Variants in RGS6 observed in about 807,000 individuals in gnomAD.
RGS6 encodes regulator of G-protein signaling 6.
A neutral mutation model predicts 78.5 loss-of-function variants in RGS6; 30 were observed. The observed-to-expected ratio is 0.38, with a 90% confidence interval of 0.29 to 0.52. The LOEUF (loss-of-function observed/expected upper bound fraction) is 0.52. Ranked by LOEUF, RGS6 falls within the 20% of genes least tolerant of loss-of-function variation. The probability of loss-of-function intolerance (pLI) is 0.85; values close to 1 mark genes in which losing one functional copy is unlikely to be tolerated. For missense variants in RGS6, 495 were observed against 609.7 expected (o/e 0.81, Z 1.98); for synonymous variants, 206 against 206.0 (o/e 1.00, Z 0.00).
chr14:72,003,103 C>T (rs1290788915), intron 2 of RGS6, among the ~76,000 whole-genome samples: 2 of 152,136 alleles, frequency 1.3e-5, no homozygotes, highest in Non-Finnish European at 2.9e-5. Flanking sequence ...GAGAATGAGA[C>T]AATGAGTGAA....
At chr14:71,885,636 G>C in the RGS6 span, among the ~76,000 whole-genome samples, 2 of 152,206 alleles carry the variant, frequency 1.3e-5, no homozygotes, top group East Asian at 3.9e-4. Context: ...GAGGAATAAA[G>C]ATTGAGGCTG....
chr14:72,042,252 C>T (rs778459346), intron 2 of RGS6, among the ~76,000 whole-genome samples: 5 of 151,766 alleles, frequency 3.3e-5, no homozygotes, highest in East Asian at 3.9e-4. Flanking sequence ...CTCAGCCTCC[C>T]GAGTAGTTGG....
rs534366125 is a variant in RGS6, at chr14:72,113,836, G to A, written c.84+148961G>A. 2.5e-4 allele frequency among the ~76,000 whole-genome samples: 38 copies of A among 152,320 alleles called. 1 individual carries two copies. In the South Asian group the frequency reaches 5.8e-3, roughly 23 times the overall value. On this transcript the variant is annotated intron_variant, in intron 2 of 17. Transcript: ENST00000553525. ...TGGCTGTGCCCAAAGTCAAGGGGTA[G>A]GGAAGAACATTGCTCATAATGAGGC...
upstream of RGS6, among the ~76,000 whole-genome samples, chr14:71,930,348 C>G (rs1166025017): frequency 1.3e-5 from 2 of 152,042 alleles, no homozygotes; most frequent in Non-Finnish European, 2.9e-5. Flanking sequence ...GCACATAAAC[C>G]AATCTCTTGG....
chr14:72,056,285 A>G (rs1387990879), intron 2 of RGS6, among the ~76,000 whole-genome samples: 1 of 152,192 alleles, frequency 6.6e-6, no homozygotes, highest in Non-Finnish European at 1.5e-5. Flanking sequence ...AGCCCTGCTC[A>G]TAGTATGCCT....
At chr14:72,395,726 C>A (rs559587830) in intron 3 of RGS6, among the ~76,000 whole-genome samples, 28 of 151,844 alleles carry the variant, frequency 1.8e-4, no homozygotes, top group Non-Finnish European at 2.9e-4. Context: ...TGTTCCCCGT[C>A]CTGTGTCCAT....
intron 12 of RGS6, among the ~76,000 whole-genome samples, chr14:72,488,204 GTAA>G (rs2096525078): frequency 6.6e-6 from 1 of 152,116 alleles, no homozygotes; most frequent in African/African-American, 2.4e-5. Flanking sequence ...TTAGTTGCTC[GTAA>G]TGACTTTGGC....
chr14:72,137,866 T>G (rs576192975), intron 2 of RGS6, among the ~76,000 whole-genome samples: 2 of 152,296 alleles, frequency 1.3e-5, no homozygotes, highest in South Asian at 4.1e-4. Context: ...ATTGTTTAAA[T>G]CATTTACATA....
intron 3 of RGS6, among the ~76,000 whole-genome samples, chr14:72,366,077 T>A (rs1217943301): frequency 6.6e-6 from 1 of 152,170 alleles, no homozygotes; most frequent in South Asian, 2.1e-4. Flanking sequence ...TTTTCACATC[T>A]TCTTCTATAA....
chr14:71,910,628 C>A, the RGS6 span, among the ~76,000 whole-genome samples: 1 of 152,080 alleles, frequency 6.6e-6, no homozygotes, highest in Non-Finnish European at 1.5e-5. Context: ...CGTTTTTCCC[C>A]CAGCAAGTGT....
Position 72,021,030 on chromosome 14 carries a change from T to C in RGS6, c.84+56155T>C, listed in dbSNP as rs537288213. 2.6e-5 allele frequency among the ~76,000 whole-genome samples: 4 copies of C among 152,362 alleles called. No individual in the cohort carries two copies. In the East Asian group the frequency reaches 7.7e-4, roughly 29 times the overall value. The stretch of plus-strand genomic sequence containing the variant: ...TTTGCTTCCAATTTCTTCCTCCTTG[T>C]GTCTTGCCAACTGGGACCAAGCATG... On this transcript the variant is annotated intron_variant, in intron 2 of 17. Coordinates refer to ENST00000553525, the MANE Select transcript of RGS6 (RefSeq NM_001204424.2).
At chr14:72,596,491 GA>G in the RGS6 span, among the ~76,000 whole-genome samples, 1 of 152,148 alleles carries the variant, frequency 6.6e-6, no homozygotes, top group Non-Finnish European at 1.5e-5. Context: ...GAACATTTTT[GA>G]GGGGCCATGA....
At chr14:72,358,109 G>C (rs1238608054) in intron 3 of RGS6, among the ~76,000 whole-genome samples, 1 of 152,158 alleles carries the variant, frequency 6.6e-6, no homozygotes, top group African/African-American at 2.4e-5. Context: ...TCTTCTGGGT[G>C]TGCAGAAGAC....
intron 2 of RGS6, among the ~76,000 whole-genome samples, chr14:72,121,162 T>C (rs529569842): frequency 6.6e-6 from 1 of 152,258 alleles, no homozygotes; most frequent in East Asian, 1.9e-4. Flanking sequence ...TCCTCTTCCC[T>C]GCTCAAACCC....
chr14:72,290,968 G>A (rs2063475988), intron 2 of RGS6, among the ~76,000 whole-genome samples: 1 of 152,100 alleles, frequency 6.6e-6, no homozygotes, highest in Non-Finnish European at 1.5e-5. Flanking sequence ...AAGAACAGGT[G>A]GAGTGAGTAT....
Position 72,483,389 on chromosome 14 carries a change from A to AT in RGS6, c.854+5068dup, listed in dbSNP as rs540669635. On this transcript the variant is annotated intron_variant, in intron 12 of 17. Coordinates refer to ENST00000553525, the MANE Select transcript of RGS6 (RefSeq NM_001204424.2). ...TGTGTCACAGCTGACTGCTGAATTG[A>AT]TTTTTTTTAGCATCATCTCACTTGC... is the stretch of plus-strand genomic sequence containing the variant. 2.3e-4 allele frequency among the ~76,000 whole-genome samples: 35 copies of AT among 152,040 alleles called. No individual in the cohort carries two copies. In the South Asian group the frequency reaches 6.7e-3, roughly 29 times the overall value.
chr14:72,367,857 T>A (rs1046153807), intron 3 of RGS6, among the ~76,000 whole-genome samples: 1 of 152,230 alleles, frequency 6.6e-6, no homozygotes, highest in Non-Finnish European at 1.5e-5. Flanking sequence ...TTTTCTCACC[T>A]GTTAATTGAT....
At position 72,363,227 on chromosome 14, in the gene RGS6, T is replaced by G. The variant is rs544470948; in HGVS notation, c.184+11033T>G. ...GGACTGCCGTCAGAGGTTTTAAATA[T>G]GAGGGAATTCACATCCATGAAGTGG... On this transcript the variant is annotated intron_variant, in intron 3 of 17. Transcript: ENST00000553525. Among the ~76,000 whole-genome samples the G allele has an allele frequency of 5.3e-5, 8 of 152,298 alleles. No homozygotes were observed. The South Asian group carries it at 1.5e-3, about 28-fold the overall frequency.
chr14:72,333,529 G>C (rs1034036262), intron 2 of RGS6, among the ~76,000 whole-genome samples: 6 of 152,216 alleles, frequency 3.9e-5, no homozygotes, highest in African/African-American at 1.2e-4. Context: ...TCTCCATGCA[G>C]CTCCCACTGC....
Sources: gnomAD v4.1 joint callset for allele counts (sites outside exome capture counted in the v4.1 genomes callset) on GRCh38, gnomAD v4.1.1 for gene constraint, MANE v1.5 for transcripts, NCBI Gene and HGNC (gene_info 2026-07-23, HGNC 2026-07-21) for gene names.